The following LRPPRC variants were observed in gnomAD, a reference collection of about 807,000 sequenced individuals.
The protein encoded by LRPPRC is leucine-rich PPR motif-containing protein, mitochondrial.
Under a neutral mutation model 180.3 loss-of-function variants are expected in LRPPRC, and 120 were observed. The observed-to-expected ratio is 0.67, with a 90% CI of 0.57 to 0.77. LRPPRC has a LOEUF of 0.77. Among genes scored for constraint, LRPPRC ranks in the 30% least tolerant of loss-of-function variants. The probability of loss-of-function intolerance (pLI) is 0.00; values close to 1 mark genes in which losing one functional copy is unlikely to be tolerated. For synonymous variants in LRPPRC, 723 were observed against 600.0 expected (o/e 1.21, Z -3.00); for missense variants, 2,012 against 1,657.2 (o/e 1.21, Z -3.72).
chr2:43,987,957 C>T (rs1258776865), intron 1 of LRPPRC, among the ~76,000 whole-genome samples: 1 of 151,906 alleles, frequency 6.6e-6, no homozygotes, highest in African/African-American at 2.4e-5. Flanking sequence ...AGAAAAGAAA[C>T]AACGGGCCAG....
At position 43,943,880 on chromosome 2, in the gene LRPPRC, G is replaced by T; in HGVS notation, c.2311C>A (p.Leu771Met). 6.2e-7 allele frequency: 1 copy of T among 1,612,058 alleles called. No homozygotes were observed. The highest frequency in any genetic ancestry group is 8.5e-7 in the Non-Finnish European group (1 of 1,178,336). The change falls in exon 23 of 38, where the codon CTG becomes ATG. Residue 771 changes from leucine to methionine, a missense_variant. Physicochemically the swap from Leu to Met is conservative, Grantham distance 15. Coordinates refer to ENST00000260665, the MANE Select transcript of LRPPRC (RefSeq NM_133259.4). Reference sequence around the variant, plus strand: ...ACATCCTTCTCTTTCATCTCCTTCAGAATGTTAATAGCATCTACAATGAAG... The same window carrying T: ...ACATCCTTCTCTTTCATCTCCTTCATAATGTTAATAGCATCTACAATGAAG... ...HGKLQDAINI[L>M]KEMKEKDVLI...
chr2:43,944,794 G>C (rs1672617187), intron 22 of LRPPRC, among the ~76,000 whole-genome samples: 1 of 152,154 alleles, frequency 6.6e-6, no homozygotes, highest in African/African-American at 2.4e-5. Context: ...GAGAAAATTT[G>C]AGTATGCAAA....
At chr2:43,958,206 G>A (rs10206724) in intron 13 of LRPPRC, among the ~76,000 whole-genome samples, 108,731 of 152,094 alleles carry the variant, frequency 0.71, 40,479 homozygotes, top group Middle Eastern at 0.82. Context: ...CCCTGAATTT[G>A]TTTTTCCCTG....
Position 43,974,874 on chromosome 2 carries a change from C to T in LRPPRC, c.865-116G>A, listed in dbSNP as rs1673981149. On this transcript the variant is annotated intron_variant, in intron 7 of 37. Coordinates refer to ENST00000260665, the MANE Select transcript of LRPPRC (RefSeq NM_133259.4). ...GGGAAAAATACCACCTAAAGGTTTACGACTTCTTTTAAAAAACAGGAAATA... is the reference window on the plus strand; with the variant it reads ...GGGAAAAATACCACCTAAAGGTTTATGACTTCTTTTAAAAAACAGGAAATA... 3.9e-5 allele frequency: 44 copies of T among 1,120,362 alleles called. 1 individual carries two copies. In the South Asian group the frequency reaches 4.7e-4, roughly 12 times the overall value. 69.4% of individuals were successfully genotyped at this position (1,120,362 alleles called of 1,614,324 possible).
intron 2 of LRPPRC, among the ~76,000 whole-genome samples, chr2:43,980,574 GAAAGA>G (rs1572574879): frequency 2.9e-5 from 3 of 104,666 alleles, no homozygotes; most frequent in Non-Finnish European, 4.0e-5. Context: ...AAAAAAAGAA[GAAAGA>G]AAGAAAGAGA....
At chr2:43,944,242 A>T (rs1672597529) in intron 22 of LRPPRC, among the ~76,000 whole-genome samples, 1 of 152,066 alleles carries the variant, frequency 6.6e-6, no homozygotes, top group African/African-American at 2.4e-5. Flanking sequence ...TTTCTTCAGC[A>T]GATGGCTTGT....
At chr2:43,915,224 TCTCTCTCTCACACACACACACACA>T (rs1296967209) in intron 29 of LRPPRC, among the ~76,000 whole-genome samples, 91 of 99,648 alleles carry the variant, frequency 9.1e-4, no homozygotes, top group Non-Finnish European at 1.3e-3. Context: ...TCTCTCTCTC[TCTCTCTCTCACACACACACACACA>T]CACACACACA....
At chr2:43,966,210 T>C (rs969395229) in intron 11 of LRPPRC, among the ~76,000 whole-genome samples, 1 of 151,118 alleles carries the variant, frequency 6.6e-6, no homozygotes, top group Non-Finnish European at 1.5e-5. Flanking sequence ...TACAGAAAGA[T>C]AAATACTACA....
In LRPPRC at chr2:43,943,657, C is replaced by T. The variant is rs375939255; in HGVS notation, c.2504+30G>A. 2.8e-5 allele frequency: 43 copies of T among 1,554,176 alleles called. No individual in the cohort carries two copies. The African/African-American group carries it at 5.6e-4, about 20-fold the overall frequency. On this transcript the variant is annotated intron_variant, in intron 23 of 37. Coordinates refer to ENST00000260665, the MANE Select transcript of LRPPRC (RefSeq NM_133259.4). ...ATTAGACTCATTCTTTTAATGCCAA[C>T]ATTTAAAATTCAAAATTCAATTAAC...
In LRPPRC at chr2:43,937,189, T is replaced by C. The variant is rs570603397; in HGVS notation, c.2505-2311A>G. ...TCCAAATATATGCTTCTGAAGATTA[T>C]ACATGTTCAGAACAACAACAGAAAA... On this transcript the variant is annotated intron_variant, in intron 23 of 37. Coordinates refer to ENST00000260665, the MANE Select transcript of LRPPRC (RefSeq NM_133259.4). Among the ~76,000 whole-genome samples, 22 of 152,286 alleles carry C rather than the reference T, an allele frequency of 1.4e-4. No homozygotes were observed. The South Asian group carries it at 4.4e-3, about 30-fold the overall frequency.
At chr2:43,961,639 G>A (rs1673351153) in intron 12 of LRPPRC, among the ~76,000 whole-genome samples, 1 of 152,144 alleles carries the variant, frequency 6.6e-6, no homozygotes, top group Non-Finnish European at 1.5e-5. Flanking sequence ...ATTTAAAAAT[G>A]TACTTTTTAA....
At chr2:43,899,662 A>T (rs1670817215) in intron 32 of LRPPRC, 57 bp from the exon 33 acceptor site, 1 of 1,168,550 alleles carries the variant, frequency 8.6e-7, no homozygotes, top group East Asian at 2.4e-5. Context: ...TATTACAGGC[A>T]GTTTAGTCTA....
chr2:43,924,976 T>C, intron 27 of LRPPRC, 91 bp downstream of exon 27: 1 of 799,082 alleles, frequency 1.3e-6, no homozygotes, highest in Non-Finnish European at 2.3e-6. Flanking sequence ...CTTCTGACAA[T>C]CCCTGGAGCT....
At chr2:43,974,892 A>G in intron 7 of LRPPRC, 134 bp from the exon 8 acceptor site, 2 of 1,003,226 alleles carry the variant, frequency 2.0e-6, no homozygotes, top group Admixed American at 2.1e-5. Flanking sequence ...TTTAAAAAAC[A>G]GGAAATACTC....
At position 43,948,448 on chromosome 2, in the gene LRPPRC, C is replaced by T. The variant is rs1672777525; in HGVS notation, c.1806G>A (p.Glu602=). 6.2e-7 allele frequency: 1 copy of T among 1,613,244 alleles called. No homozygotes were observed. The highest frequency in any genetic ancestry group is 8.5e-7 in the Non-Finnish European group (1 of 1,179,250). ...MSDSEVQAKE[E]HLRQYFHQLE... is the part of the protein sequence containing the mutation. ...GCTGATGGAAGTATTGTCTCAAATG[C>T]TCCTCCTTGGCCTGTACCTCTGAGT... The change falls in exon 17 of 38, where the codon GAG becomes GAA. Residue 602 remains glutamate, a synonymous_variant. Transcript: ENST00000260665.
intron 1 of LRPPRC, among the ~76,000 whole-genome samples, chr2:43,983,486 T>C (rs188591735): frequency 3.3e-4 from 51 of 152,292 alleles, no homozygotes; most frequent in African/African-American, 1.1e-3. Flanking sequence ...ATAATTCTTA[T>C]GTGTGAAGGA....
intron 11 of LRPPRC, among the ~76,000 whole-genome samples, chr2:43,965,941 T>C (rs898075213): frequency 1.8e-4 from 28 of 152,168 alleles, no homozygotes; most frequent in African/African-American, 5.6e-4. Flanking sequence ...CTGAAAAACT[T>C]AGAAGTAGAA....
intron 27 of LRPPRC, among the ~76,000 whole-genome samples, chr2:43,921,699 G>C (rs1198246302): frequency 6.6e-6 from 1 of 152,142 alleles, no homozygotes; most frequent in African/African-American, 2.4e-5. Context: ...TTCATAGTTA[G>C]CTAGTATAGT....
At chr2:43,974,496 T>C in intron 8 of LRPPRC, 118 bp downstream of exon 8, 1 of 854,622 alleles carries the variant, frequency 1.2e-6, no homozygotes, top group East Asian at 2.6e-5. Flanking sequence ...TAACTGACTT[T>C]AAGAGTTCTA....
Sources: gnomAD v4.1 joint callset for allele counts (sites outside exome capture counted in the v4.1 genomes callset) on GRCh38, gnomAD v4.1.1 for gene constraint, MANE v1.5 for transcripts, NCBI Gene and HGNC (gene_info 2026-07-23, HGNC 2026-07-21) for gene names.